The following DHRS4L2 variants were observed in gnomAD, a reference collection of about 807,000 sequenced individuals.
The protein encoded by DHRS4L2 is dehydrogenase/reductase SDR family member 4-like 2.
A neutral mutation model predicts 23.9 loss-of-function variants in DHRS4L2; 22 were observed. The observed-to-expected ratio is 0.92, with a 90% CI of 0.66 to 1.31. The LOEUF (loss-of-function observed/expected upper bound fraction) is 1.31, where lower values mean the gene tolerates loss of function less well. DHRS4L2 is among the 40% of genes most tolerant of loss of function. The probability of loss-of-function intolerance (pLI) is 0.00; values close to 1 mark genes in which losing one functional copy is unlikely to be tolerated. For missense variants in DHRS4L2, 385 were observed against 303.3 expected, an observed-to-expected ratio of 1.27 and a Z score of -2.00; for synonymous variants, 141 against 123.7, an observed-to-expected ratio of 1.14 and a Z score of -0.93.
At chr14:23,989,543 G>C (rs77491846) in intron 1 of DHRS4L2, among the ~76,000 whole-genome samples, 2 of 151,270 alleles carry the variant, frequency 1.3e-5, no homozygotes, top group Non-Finnish European at 3.0e-5. Context: ...TTTTTAGGTC[G>C]GTACATCTGG....
chr14:23,974,164 A>C (rs1465913836), intron 1 of DHRS4L2, among the ~76,000 whole-genome samples: 1 of 151,698 alleles, frequency 6.6e-6, no homozygotes, highest in Non-Finnish European at 1.5e-5. Context: ...TAAATAACAA[A>C]CTGAAGGCAG....
chr14:23,994,941 T>C, intron 2 of DHRS4L2, 91 bp from the exon 3 acceptor site: 4 of 1,481,032 alleles, frequency 2.7e-6, no homozygotes, highest in Non-Finnish European at 3.7e-6. Context: ...GAGCCACAGC[T>C]CCTTGCCCAG....
chr14:23,973,648 CAAAG>C (rs2033911480), intron 1 of DHRS4L2, among the ~76,000 whole-genome samples: 4 of 151,920 alleles, frequency 2.6e-5, no homozygotes, highest in Admixed American at 2.0e-4. Context: ...TGAAAGGAGA[CAAAG>C]AAGGCCATCA....
At chr14:23,994,940 C>T (rs140061327) in intron 2 of DHRS4L2, 92 bp from the exon 3 acceptor site, 3 of 1,471,504 alleles carry the variant, frequency 2.0e-6, no homozygotes, top group East Asian at 2.3e-5. Flanking sequence ...TGAGCCACAG[C>T]TCCTTGCCCA....
intron 1 of DHRS4L2, among the ~76,000 whole-genome samples, chr14:23,972,459 C>T (rs1594448676): frequency 6.6e-6 from 1 of 152,092 alleles, no homozygotes; most frequent in East Asian, 1.9e-4. Flanking sequence ...AGTGTTACAG[C>T]TCATAAAGGC....
chr14:23,995,073 T>A lies in DHRS4L2; in HGVS notation c.348T>A (p.Asn116Lys), dbSNP rs113886442. Residue 116 changes from asparagine (N) to lysine (K), a missense_variant, in exon 3 of 8, where the codon AAT (asparagine) becomes AAA (lysine). Coordinates refer to ENST00000335125, the MANE Select transcript of DHRS4L2 (RefSeq NM_198083.4). ...GAGGTATCGATATCCTAGTCTCCAA[T>A]GCTGCTGTCAACCCTTTCTTTGGAA... ...LHGGIDILVS[N>K]AAVNPFFGSL... 1.4e-5 allele frequency: 23 copies of A among 1,613,078 alleles called. No homozygotes were observed. Among genetic ancestry groups the A allele is most frequent in the Middle Eastern group, 1.7e-4 (1 of 6,056 alleles).
upstream of DHRS4L2, chr14:23,988,787 C>A: frequency 7.1e-7 from 1 of 1,403,984 alleles, no homozygotes; most frequent in South Asian, 1.6e-5. Flanking sequence ...GGCGGGGCGA[C>A]TGGCGGGCGG....
At chr14:23,971,032 A>C (rs2033846420) in intron 1 of DHRS4L2, among the ~76,000 whole-genome samples, 1 of 152,112 alleles carries the variant, frequency 6.6e-6, no homozygotes, top group Non-Finnish European at 1.5e-5. Flanking sequence ...TAAAACCACA[A>C]AGATGGAGAG....
At chr14:23,994,685 C>A (rs2034342129) in intron 2 of DHRS4L2, among the ~76,000 whole-genome samples, 1 of 151,762 alleles carries the variant, frequency 6.6e-6, no homozygotes, top group Non-Finnish European at 1.5e-5. Context: ...AAGACTCCAT[C>A]TAAAAAAGAA....
intron 1 of DHRS4L2, among the ~76,000 whole-genome samples, chr14:23,983,120 G>C (rs755063244): frequency 2.6e-5 from 4 of 151,648 alleles, no homozygotes; most frequent in African/African-American, 9.7e-5. Flanking sequence ...GAAAATTCTT[G>C]CAATCTATCC....
At position 24,001,245 on chromosome 14, in the gene DHRS4L2, G is replaced by C. The variant is rs1157456566; in HGVS notation, c.532-139G>C. 5.1e-6 allele frequency: 8 copies of C among 1,570,104 alleles called. No individual in the cohort carries two copies. The East Asian group carries it at 1.8e-4, about 35-fold the overall frequency. Reference sequence around the variant, plus strand: ...CCTCCACAAACCATAACCTAGGGGAGGTTTAGCCACAAGACAGTTTCCTAA... The same window carrying C: ...CCTCCACAAACCATAACCTAGGGGACGTTTAGCCACAAGACAGTTTCCTAA... On this transcript the variant is annotated intron_variant, in intron 5 of 7. Coordinates refer to ENST00000335125, the MANE Select transcript of DHRS4L2 (RefSeq NM_198083.4).
chr14:23,974,704 A>G (rs1225687135), intron 1 of DHRS4L2, among the ~76,000 whole-genome samples: 1 of 151,884 alleles, frequency 6.6e-6, no homozygotes, highest in Non-Finnish European at 1.5e-5. Flanking sequence ...ATCAGGACGA[A>G]GTTGAATTGC....
In DHRS4L2 at chr14:24,000,444, G is replaced by A. The variant is rs1285393939; in HGVS notation, c.409-419G>A. On this transcript the variant is annotated intron_variant, in intron 3 of 7. Coordinates refer to ENST00000335125, the MANE Select transcript of DHRS4L2 (RefSeq NM_198083.4). ...AAGCCCAGAAGCCAGAGAAGTGCTA[G>A]AACAACCCCACATATCCAAGGTCAG... Among the ~76,000 whole-genome samples the A allele has an allele frequency of 3.3e-5, 5 of 151,762 alleles. No individual in the cohort carries two copies. In the South Asian group the frequency reaches 8.3e-4, roughly 25 times the overall value.
At chr14:24,001,005 A>T (rs1409168659) in intron 4 of DHRS4L2, 28 bp from the exon 5 acceptor site, 2 of 1,611,370 alleles carry the variant, frequency 1.2e-6, no homozygotes, top group Admixed American at 3.3e-5. Flanking sequence ...CCACACTGGG[A>T]AGACGGTCAG....
At chr14:23,993,513 C>T (rs2034311877) in intron 2 of DHRS4L2, among the ~76,000 whole-genome samples, 1 of 151,594 alleles carries the variant, frequency 6.6e-6, no homozygotes, top group African/African-American at 2.4e-5. Flanking sequence ...CATACTGCAA[C>T]TTGCCCAAGG....
rs867054009 is a variant in DHRS4L2 at position 23,979,155 on chromosome 14, C to T, written c.-176+8823C>T. ...AAGCAGGGGTTGCAATCCTGGTCTC[C>T]GATAAAACAGACTTTAAACCAACAA... On this transcript the variant is annotated intron_variant, in intron 1 of 5. Transcript: ENST00000534993. Among the ~76,000 whole-genome samples the T allele has an allele frequency of 2.7e-5, 4 of 148,456 alleles. 1 individual carries two copies. Among genetic ancestry groups the T allele is most frequent in the South Asian group, 4.3e-4 (2 of 4,598 alleles).
intron 3 of DHRS4L2, among the ~76,000 whole-genome samples, chr14:24,000,441 C>A (rs2034463086): frequency 6.6e-6 from 1 of 151,742 alleles, no homozygotes; most frequent in African/African-American, 2.4e-5. Flanking sequence ...CAGAGAAGTG[C>A]TAGAACAACC....
At chr14:23,972,987 C>A in intron 1 of DHRS4L2, among the ~76,000 whole-genome samples, 1 of 151,954 alleles carries the variant, frequency 6.6e-6, no homozygotes, top group Non-Finnish European at 1.5e-5. Context: ...TCGCCTCCCA[C>A]CATAGGGCAG....
intron 3 of DHRS4L2, among the ~76,000 whole-genome samples, chr14:23,996,401 GC>G (rs2034383043): frequency 6.6e-6 from 1 of 151,344 alleles, no homozygotes; most frequent in South Asian, 2.1e-4. Flanking sequence ...TCTTCAGTGA[GC>G]TAGTTTTTGA....
Sources: gnomAD v4.1 joint callset for allele counts (sites outside exome capture counted in the v4.1 genomes callset) on GRCh38, gnomAD v4.1.1 for gene constraint, MANE v1.5 for transcripts, NCBI Gene and HGNC (gene_info 2026-07-23, HGNC 2026-07-21) for gene names.